The following DOCK3 variants were observed in gnomAD, a reference collection of about 807,000 sequenced individuals.
The protein encoded by DOCK3 is dedicator of cytokinesis 3.
In DOCK3, 60 loss-of-function variants were observed where a neutral mutation model predicts 265.6. The ratio of observed to expected loss-of-function variants is 0.23; its 90% CI spans 0.18 to 0.28. DOCK3 has a LOEUF of 0.28. Among genes scored for constraint, DOCK3 ranks in the 10% least tolerant of loss-of-function variants. DOCK3 has a pLI of 1.00. For synonymous variants in DOCK3, 881 were observed against 938.0 expected, an observed-to-expected ratio of 0.94 and a Z score of 1.11; for missense variants, 1,981 against 2,594.3, an observed-to-expected ratio of 0.76 and a Z score of 5.14.
chr3:50,967,017 A>C (rs926335061), intron 5 of DOCK3, among the ~76,000 whole-genome samples: 1 of 152,162 alleles, frequency 6.6e-6, no homozygotes, highest in Non-Finnish European at 1.5e-5. Flanking sequence ...TGTTACCTCA[A>C]ACACTTATAA....
chr3:50,818,397 A>G (rs2044213320), intron 2 of DOCK3, among the ~76,000 whole-genome samples: 1 of 152,176 alleles, frequency 6.6e-6, no homozygotes. Flanking sequence ...TGGGTCTTAC[A>G]CTTCCAAATG....
chr3:51,165,948 A>G (rs2086382943), intron 12 of DOCK3, among the ~76,000 whole-genome samples: 2 of 150,874 alleles, frequency 1.3e-5, no homozygotes, highest in South Asian at 4.2e-4. Context: ...AAGAAAATAT[A>G]TAATTCCTCA....
intron 27 of DOCK3, among the ~76,000 whole-genome samples, chr3:51,309,900 A>G (rs1250305935): frequency 1.3e-5 from 2 of 152,254 alleles, no homozygotes; most frequent in Admixed American, 6.5e-5. Context: ...AATGAAGCCC[A>G]TGGACTCAGT....
At chr3:51,040,380 A>T (rs1389855569) in intron 5 of DOCK3, among the ~76,000 whole-genome samples, 2 of 152,186 alleles carry the variant, frequency 1.3e-5, no homozygotes, top group African/African-American at 4.8e-5. Context: ...TTTCCTAATG[A>T]ATATAAAAAT....
intron 9 of DOCK3, among the ~76,000 whole-genome samples, chr3:51,121,977 A>G (rs2084037659): frequency 6.6e-6 from 1 of 152,190 alleles, no homozygotes; most frequent in Non-Finnish European, 1.5e-5. Flanking sequence ...AAGAGGAACT[A>G]ATGGTCATAG....
intron 3 of DOCK3, among the ~76,000 whole-genome samples, chr3:50,878,471 G>A (rs1163635057): frequency 2.6e-5 from 4 of 152,080 alleles, no homozygotes; most frequent in East Asian, 1.9e-4. Context: ...GCACGAGAAC[G>A]ATGTGACGCA....
At position 51,381,614 on chromosome 3, in the gene DOCK3, C is replaced by T; in HGVS notation, c.*55C>T. 1 of 1,445,470 alleles carries T rather than the reference C, an allele frequency of 6.9e-7. No individual in the cohort carries two copies. The highest frequency in any genetic ancestry group is 1.4e-5 in the African/African-American group (1 of 70,066). The allele number at this position is 1,445,470 out of a possible 1,614,324, so 89.5% of individuals were successfully genotyped here. A position where few individuals can be genotyped will look rare whatever the true frequency, so the allele number is the denominator to read the frequency against. ...TCAGTAAGCAGCTTGCCAATCACTC[C>T]AGGTCTGAAAAGCAAGTCCCCCAGC... On this transcript the variant is annotated 3_prime_UTR_variant, in exon 53 of 53. Coordinates refer to ENST00000266037, the MANE Select transcript of DOCK3 (RefSeq NM_004947.5). This position sits in a 1 kb window ranked among gnomAD's most constrained non-coding sequence, Gnocchi z 5.6.
At chr3:50,982,836 G>A (rs1206214807) in intron 5 of DOCK3, among the ~76,000 whole-genome samples, 2 of 152,316 alleles carry the variant, frequency 1.3e-5, no homozygotes, top group Non-Finnish European at 2.9e-5. Context: ...GCCCCAGGCT[G>A]CAAGGAGGCC....
intron 3 of DOCK3, chr3:50,863,532 TCTTTGCTAGACTCTCGATG>T (rs1402299253): frequency 2.0e-6 from 1 of 487,844 alleles, no homozygotes; most frequent in East Asian, 5.7e-5. Flanking sequence ...CAGGGGTCGA[TCTTTGCTAGACTCTCGATG>T]CTTTCCTTTT....
intron 12 of DOCK3, among the ~76,000 whole-genome samples, chr3:51,193,377 C>CGTT (rs145822332): frequency 1.3e-5 from 2 of 152,136 alleles, no homozygotes; most frequent in African/African-American, 2.4e-5. Flanking sequence ...ATATAGTTTT[C>CGTT]GTTGTTGTTG....
rs193285890 is a variant in DOCK3, at chr3:51,225,844, A to G, written c.1377+71A>G. 220 of 1,517,074 alleles carry G rather than the reference A, an allele frequency of 1.5e-4. 2 individuals carry two copies. In the East Asian group the frequency reaches 4.7e-3, roughly 33 times the overall value. 94.0% of individuals were successfully genotyped at this position (1,517,074 alleles called of 1,614,324 possible). ...ATAATTCTCTGTGGACTTTATCCAG[A>G]GGCCCATTCTCTTCAAGCAGGATTA... is the stretch of plus-strand genomic sequence containing the variant. On this transcript the variant is annotated intron_variant, in intron 15 of 52. Coordinates refer to ENST00000266037, the MANE Select transcript of DOCK3 (RefSeq NM_004947.5).
intron 1 of DOCK3, among the ~76,000 whole-genome samples, chr3:50,732,410 T>C (rs1008553931): frequency 1.1e-4 from 17 of 151,344 alleles, no homozygotes; most frequent in Non-Finnish European, 1.9e-4. Flanking sequence ...ACCCCAGAAC[T>C]TAAAAAAAAA....
chr3:50,861,555 T>G (rs1308272584), intron 3 of DOCK3, among the ~76,000 whole-genome samples: 3 of 152,182 alleles, frequency 2.0e-5, no homozygotes, highest in Non-Finnish European at 4.4e-5. Flanking sequence ...TGTATGGCTC[T>G]CTGTCTCTTT....
intron 44 of DOCK3, among the ~76,000 whole-genome samples, chr3:51,357,343 A>G (rs1198779112): frequency 3.3e-5 from 5 of 152,018 alleles, no homozygotes; most frequent in African/African-American, 4.8e-5. Context: ...CTTCATTTTT[A>G]TTCTCTGAAC....
Position 50,713,877 on chromosome 3 carries a change from C to T in DOCK3, c.37+38577C>T, listed in dbSNP as rs2036932092. ...TGCAAGTCCATATTCAGTTAGTCAC[C>T]AAGTATTAATGCTTCTAAATATCTC... is the stretch of plus-strand genomic sequence containing the variant. On this transcript the variant is annotated intron_variant, in intron 1 of 52. Coordinates refer to ENST00000266037, the MANE Select transcript of DOCK3 (RefSeq NM_004947.5). Among the ~76,000 whole-genome samples the T allele has an allele frequency of 7.9e-5, 12 of 152,220 alleles. No individual in the cohort carries two copies. The South Asian group carries it at 2.5e-3, about 32-fold the overall frequency.
chr3:50,922,000 G>C (rs1312883260), intron 4 of DOCK3, among the ~76,000 whole-genome samples: 2 of 152,160 alleles, frequency 1.3e-5, no homozygotes, highest in East Asian at 3.9e-4. Context: ...CTACTCAGCG[G>C]TAAAGGACCC....
chr3:50,787,824 C>T lies in DOCK3; in HGVS notation c.121+9066C>T, dbSNP rs193112979. The stretch of plus-strand genomic sequence containing the variant: ...CTGTGGCCCCTTCCTCTCTCTCTTC[C>T]TCCTCATTGTTTAAGAACAGGAGTC... On this transcript the variant is annotated intron_variant, in intron 2 of 52. Transcript: ENST00000266037. The T allele has an allele frequency of 3.9e-5, 44 of 1,114,148 alleles. No individual in the cohort carries two copies. The African/African-American group carries it at 4.0e-4, about 10-fold the overall frequency. 69.0% of individuals were successfully genotyped at this position (1,114,148 alleles called of 1,614,324 possible).
At position 50,675,342 on chromosome 3, in the gene DOCK3, G is replaced by T. The variant is rs1234247293; in HGVS notation, c.37+42G>T. 2 of 1,208,290 alleles carry T rather than the reference G, an allele frequency of 1.7e-6. No individual in the cohort carries two copies. Among genetic ancestry groups the T allele is most frequent in the Non-Finnish European group, 2.1e-6 (2 of 962,570 alleles). The allele number at this position is 1,208,290 out of a possible 1,614,324, so 74.8% of individuals were successfully genotyped here. ...CCTGGCCGTGGCGGGGGTTCTGGGG[G>T]ACGCGCCCAGCTCCCGGCCCCGCCT... is the stretch of plus-strand genomic sequence containing the variant. On this transcript the variant is annotated intron_variant, in intron 1 of 52. Transcript: ENST00000266037. The surrounding 1 kb of genome is among the most constrained non-coding windows in gnomAD (Gnocchi z 6.1).
chr3:51,208,708 A>G, intron 12 of DOCK3, 66 bp from the exon 13 acceptor site: 1 of 1,310,822 alleles, frequency 7.6e-7, no homozygotes, highest in Non-Finnish European at 1.1e-6. Flanking sequence ...TAAGTGTTAC[A>G]CATTGGAACA....
Sources: gnomAD v4.1 joint callset for allele counts (sites outside exome capture counted in the v4.1 genomes callset) on GRCh38, gnomAD v4.1.1 for gene constraint, Gnocchi (gnomAD v3.1) non-coding constraint, MANE v1.5 for transcripts, NCBI Gene and HGNC (gene_info 2026-07-23, HGNC 2026-07-21) for gene names.